Variants in STXBP3 observed in about 807,000 individuals in gnomAD.
STXBP3 encodes syntaxin-binding protein 3.
A neutral mutation model predicts 85.7 loss-of-function variants in STXBP3; 41 were observed. That is an observed-to-expected ratio of 0.48 (90% CI 0.37 to 0.62). The LOEUF is 0.62. STXBP3 is among the 20% of genes least tolerant of loss of function. The probability of loss-of-function intolerance (pLI) is 0.00; values close to 1 mark genes in which losing one functional copy is unlikely to be tolerated. For synonymous variants in STXBP3, 229 were observed against 231.7 expected, an observed-to-expected ratio of 0.99 and a Z score of 0.10; for missense variants, 563 against 703.1, an observed-to-expected ratio of 0.80 and a Z score of 2.25.
At chr1:108,799,700 G>C (rs1356773512) in intron 16 of STXBP3, among the ~76,000 whole-genome samples, 2 of 151,956 alleles carry the variant, frequency 1.3e-5, no homozygotes, top group Non-Finnish European at 2.9e-5. Flanking sequence ...TATAAGTTAA[G>C]CATTACTGTA....
At chr1:108,760,241 G>T (rs553450032) in intron 6 of STXBP3, among the ~76,000 whole-genome samples, 156 bp downstream of exon 6, 1 of 151,998 alleles carries the variant, frequency 6.6e-6, no homozygotes, top group African/African-American at 2.4e-5. Context: ...GAAGTCAGAC[G>T]CGTGAGCAAT....
intron 11 of STXBP3, among the ~76,000 whole-genome samples, chr1:108,783,889 A>C (rs754666958): frequency 5.9e-5 from 9 of 152,122 alleles, no homozygotes; most frequent in Non-Finnish European, 1.3e-4. Flanking sequence ...TTGTGGTTTT[A>C]ATTTCAATTT....
chr1:108,747,107 T>C (rs1661803172), intron 1 of STXBP3, among the ~76,000 whole-genome samples: 1 of 21,308 alleles, frequency 4.7e-5, no homozygotes, highest in Non-Finnish European at 1.8e-4. Flanking sequence ...GTGCGTGCCC[T>C]CGGCCGCGCT....
At position 108,752,931 on chromosome 1, in the gene STXBP3, A is replaced by G. The variant is rs1054192400; in HGVS notation, c.100-132A>G. ...ATCTCTAGCTCATGCAAGATAAAAGATGAGATCATTTTGCCTACTGTTCTG... is the reference window on the plus strand; with the variant it reads ...ATCTCTAGCTCATGCAAGATAAAAGGTGAGATCATTTTGCCTACTGTTCTG... On this transcript the variant is annotated intron_variant, in intron 2 of 18. Transcript: ENST00000370008. 7.4e-6 allele frequency: 4 copies of G among 541,438 alleles called. No individual in the cohort carries two copies. The South Asian group carries it at 1.1e-4, about 15-fold the overall frequency. The allele number at this position is 541,438 out of a possible 1,614,324, so 33.5% of individuals were successfully genotyped here.
chr1:108,763,905 G>T (rs1220750825), intron 6 of STXBP3, among the ~76,000 whole-genome samples: 1 of 151,976 alleles, frequency 6.6e-6, no homozygotes, highest in East Asian at 1.9e-4. Context: ...TTAACTTTTA[G>T]GTTTGGAGTA....
intron 6 of STXBP3, among the ~76,000 whole-genome samples, chr1:108,771,011 ACT>A (rs1167210320): frequency 1.3e-5 from 2 of 151,928 alleles, no homozygotes; most frequent in Non-Finnish European, 2.9e-5. Flanking sequence ...TTTTTGGGTT[ACT>A]CTCTAATGGG....
chr1:108,771,474 A>C (rs12742663), intron 6 of STXBP3, among the ~76,000 whole-genome samples: 2 of 108,828 alleles, frequency 1.8e-5, no homozygotes, highest in East Asian at 2.3e-4. Flanking sequence ...TATATGATAT[A>C]TATCTATATA....
intron 6 of STXBP3, among the ~76,000 whole-genome samples, chr1:108,764,458 TTGAGGAA>T (rs1454592666): frequency 1.3e-5 from 2 of 152,208 alleles, no homozygotes; most frequent in African/African-American, 4.8e-5. Context: ...TTTTAGGTCT[TTGAGGAA>T]TCACCACACT....
chr1:108,798,427 T>TC (rs1663162631), intron 16 of STXBP3, among the ~76,000 whole-genome samples, 190 bp downstream of exon 16: 1 of 147,724 alleles, frequency 6.8e-6, no homozygotes, highest in Admixed American at 6.7e-5. Context: ...TTTTTTTTTT[T>TC]CTTTTTGAGA....
intron 11 of STXBP3, among the ~76,000 whole-genome samples, chr1:108,784,330 T>C (rs1340489665): frequency 2.0e-5 from 3 of 152,332 alleles, no homozygotes; most frequent in Admixed American, 2.0e-4. Flanking sequence ...TCCACATGGC[T>C]GGGGAGGCCT....
chr1:108,756,787 A>C (rs2101104518), intron 4 of STXBP3, 21 bp downstream of exon 4: 2 of 1,546,704 alleles, frequency 1.3e-6, no homozygotes, highest in Non-Finnish European at 1.8e-6. Context: ...TGAGACCTTA[A>C]AAAGCAGGTT....
Position 108,772,836 on chromosome 1 carries a change from C to G in STXBP3, c.593+17C>G. 1 of 1,566,252 alleles carries G rather than the reference C, an allele frequency of 6.4e-7. No individual in the cohort carries two copies. The highest frequency in any genetic ancestry group is 1.4e-5 in the African/African-American group (1 of 72,878). On this transcript the variant is annotated intron_variant, in intron 7 of 18. Transcript: ENST00000370008. ...ATATAAAAGGTAAGACACTGAGCAT[C>G]TGCACATGTTATGCTTCCTATTTAC...
intron 1 of STXBP3, among the ~76,000 whole-genome samples, chr1:108,751,125 CTCT>C: frequency 6.6e-6 from 1 of 152,278 alleles, no homozygotes; most frequent in South Asian, 2.1e-4. Context: ...TCTCCAGTCC[CTCT>C]TCTTTCCCAG....
chr1:108,782,651 A>T lies in STXBP3; in HGVS notation c.908A>T (p.Glu303Val), dbSNP rs368065893. The stretch of plus-strand genomic sequence containing the variant: ...AGAATTCTCTCACAATTTGACAGGG[A>T]AATTCCCAAGCTTATGAAAGAAATT... ...RHRHIAVVLEEIPKLMKEISS... is the reference protein window; with the variant it reads ...RHRHIAVVLEVIPKLMKEISS... The change falls in exon 11 of 19, where the codon GAA (glutamate) becomes GTA (valine). Residue 303 changes from glutamate (E) to valine (V), a missense_variant and splice_region_variant. Around this residue, in one of 3 missense-constraint regions of STXBP3, gnomAD observed 494 missense variants for 592.8 expected, o/e 0.83. Transcript: ENST00000370008. 1.7e-5 allele frequency: 28 copies of T among 1,608,948 alleles called. No individual in the cohort carries two copies. The highest frequency in any genetic ancestry group is 4.0e-5 in the African/African-American group (3 of 74,624).
chr1:108,767,132 A>G (rs1392001094), intron 6 of STXBP3: 2 of 316,804 alleles, frequency 6.3e-6, no homozygotes, highest in Non-Finnish European at 6.2e-6. Context: ...CAACTTGGAC[A>G]TAGGACTGAC....
intron 6 of STXBP3, 74 bp from the exon 7 acceptor site, chr1:108,772,591 A>C: frequency 1.5e-6 from 1 of 664,330 alleles, no homozygotes; most frequent in Non-Finnish European, 2.0e-6. Flanking sequence ...CATTATATAT[A>C]ACATAAATAT....
At chr1:108,805,717 C>A (rs1413577355) in intron 17 of STXBP3, among the ~76,000 whole-genome samples, 2 of 152,206 alleles carry the variant, frequency 1.3e-5, no homozygotes, top group Non-Finnish European at 2.9e-5. Context: ...GCCACCACGC[C>A]CAGCCAAGAA....
At position 108,789,882 on chromosome 1, in the gene STXBP3, A is replaced by G. The variant is rs139585471; in HGVS notation, c.964-3700A>G. Among the ~76,000 whole-genome samples, 339 of 152,006 alleles carry G rather than the reference A, an allele frequency of 2.2e-3. 4 individuals are homozygous for G. The highest frequency in any genetic ancestry group is 7.7e-3 in the African/African-American group (320 of 41,432). On this transcript the variant is annotated intron_variant, in intron 11 of 18. Transcript: ENST00000370008. ...GGAGTTCAAGACCAGCCTGGCCAAC[A>G]TGGCGAAACCCCATCTCTACTAAAA...
chr1:108,808,905 C>G lies in STXBP3; in HGVS notation c.*28C>G. On this transcript the variant is annotated 3_prime_UTR_variant, in exon 19 of 19. Transcript: ENST00000370008. ...TTTCTTTTTGGAGGGTTTAGAGATT[C>G]TTACTAATATGTTGAACTAAAATAG... The G allele has an allele frequency of 6.8e-7, 1 of 1,462,082 alleles. No individual in the cohort carries two copies. Among genetic ancestry groups the G allele is most frequent in the Non-Finnish European group, 9.4e-7 (1 of 1,061,674 alleles). The allele number at this position is 1,462,082 out of a possible 1,614,324, so 90.6% of individuals were successfully genotyped here. A position where few individuals can be genotyped will look rare whatever the true frequency, so the allele number is the denominator to read the frequency against.
Sources: allele counts gnomAD v4.1 joint callset (sites outside exome capture counted in the v4.1 genomes callset), GRCh38; gene constraint gnomAD v4.1.1; regional missense constraint gnomAD v4.1.1; transcripts MANE v1.5; gene names NCBI Gene and HGNC (gene_info 2026-07-23, HGNC 2026-07-21).